The following SORCS2 variants were observed in gnomAD, a reference collection of about 807,000 sequenced individuals.
The protein encoded by SORCS2 is VPS10 domain-containing receptor SorCS2.
In SORCS2, 100 loss-of-function variants were observed where a neutral mutation model predicts 141.6. That is an observed-to-expected ratio of 0.71 (90% CI 0.60 to 0.83). The LOEUF (loss-of-function observed/expected upper bound fraction) is 0.83. Among genes scored for constraint, SORCS2 ranks in the 40% least tolerant of loss-of-function variants. SORCS2 has a pLI of 0.00. For missense variants in SORCS2, 1,646 were observed against 1,560.2 expected (o/e 1.05, Z -0.93); for synonymous variants, 789 against 676.9 (o/e 1.17, Z -2.57).
intron 1 of SORCS2, among the ~76,000 whole-genome samples, chr4:7,393,702 G>A (rs762582561): frequency 2.0e-5 from 3 of 152,122 alleles, no homozygotes; most frequent in African/African-American, 7.2e-5. Flanking sequence ...TAACTGTGGG[G>A]CTCGTCGGTG....
chr4:7,727,151 C>T (rs1181080252), intron 21 of SORCS2, among the ~76,000 whole-genome samples: 1 of 152,224 alleles, frequency 6.6e-6, no homozygotes, highest in Admixed American at 6.5e-5. Flanking sequence ...TCCCAAGACA[C>T]TCATGGGACA....
At chr4:7,454,197 G>A (rs1200382454) in intron 2 of SORCS2, among the ~76,000 whole-genome samples, 2 of 131,128 alleles carry the variant, frequency 1.5e-5, no homozygotes, top group African/African-American at 3.1e-5. Flanking sequence ...GGGGTCAGGT[G>A]CTGTGTGTTG....
At chr4:7,212,956 C>T (rs922811387) in intron 1 of SORCS2, among the ~76,000 whole-genome samples, 14 of 152,240 alleles carry the variant, frequency 9.2e-5, no homozygotes, top group Admixed American at 2.0e-4. Flanking sequence ...GGGAACAACC[C>T]GTGGCCATTG....
intron 1 of SORCS2, among the ~76,000 whole-genome samples, chr4:7,337,149 T>C (rs1275540721): frequency 6.6e-6 from 1 of 152,162 alleles, no homozygotes; most frequent in Non-Finnish European, 1.5e-5. Context: ...TAGTCTAGAA[T>C]TGCAGAAGGT....
In SORCS2 at chr4:7,696,673, G is replaced by A. The variant is rs556583853; in HGVS notation, c.1592-525G>A. Among the ~76,000 whole-genome samples the A allele has an allele frequency of 4.6e-5, 7 of 152,278 alleles. No individual in the cohort carries two copies. The South Asian group carries it at 1.5e-3, about 32-fold the overall frequency. On this transcript the variant is annotated intron_variant, in intron 11 of 26. Transcript: ENST00000507866. ...CACATTCTGCACCCCCAGTTGGTTTGGTGCCCACCTCACCTTCCTCCCAAA... is the reference window on the plus strand; with the variant it reads ...CACATTCTGCACCCCCAGTTGGTTTAGTGCCCACCTCACCTTCCTCCCAAA...
rs1037598823 is a variant in SORCS2, at chr4:7,663,322, GTGAGTGAT to G, written c.953-1023_953-1016del. ...AGTGACTGAGTGAATGAATGAGTGA[GTGAGTGAT>G]TGAGTGAGTGAGTGAGTGAGTCAGT... On this transcript the variant is annotated intron_variant, in intron 6 of 26. Coordinates refer to ENST00000507866, the MANE Select transcript of SORCS2 (RefSeq NM_020777.3). The surrounding 1 kb of genome is among the most constrained non-coding windows in gnomAD (Gnocchi z 4.8). 1.4e-4 allele frequency among the ~76,000 whole-genome samples: 22 copies of G among 152,004 alleles called. No homozygotes were observed. Among genetic ancestry groups the G allele is most frequent in the Non-Finnish European group, 2.2e-4 (15 of 67,982 alleles).
At chr4:7,413,031 G>A (rs1196516965) in intron 2 of SORCS2, among the ~76,000 whole-genome samples, 1 of 152,028 alleles carries the variant, frequency 6.6e-6, no homozygotes, top group African/African-American at 2.4e-5. Context: ...AGTGTTAACC[G>A]CCTCCCATTT....
At chr4:7,352,865 C>G (rs1349549620) in intron 1 of SORCS2, among the ~76,000 whole-genome samples, 2 of 152,194 alleles carry the variant, frequency 1.3e-5, no homozygotes, top group Non-Finnish European at 2.9e-5. Flanking sequence ...GCGTATAACT[C>G]TGACCCCCAT....
chr4:7,437,624 G>C (rs947621355), intron 2 of SORCS2, among the ~76,000 whole-genome samples: 1 of 152,188 alleles, frequency 6.6e-6, no homozygotes, highest in Non-Finnish European at 1.5e-5. Context: ...TGGTCAGAGG[G>C]GGTCATTATG....
intron 1 of SORCS2, among the ~76,000 whole-genome samples, chr4:7,383,061 G>A (rs550813528): frequency 2.6e-5 from 4 of 152,186 alleles, no homozygotes; most frequent in South Asian, 2.1e-4. Flanking sequence ...AGACTCCAGC[G>A]CTTCGATCCC....
At chr4:7,433,317 C>T (rs759095733) in intron 2 of SORCS2, 62 of 1,405,132 alleles carry the variant, frequency 4.4e-5, no homozygotes, top group Admixed American at 1.7e-4. Context: ...GCCACGGTCA[C>T]GCGTGTTCCC....
chr4:7,500,359 C>T (rs730407), intron 2 of SORCS2, among the ~76,000 whole-genome samples: 37,574 of 151,998 alleles, frequency 0.25, 5,716 homozygotes, highest in East Asian at 0.69. Context: ...TCCCTGGCAG[C>T]GCCAAACCCT....
chr4:7,655,654 G>A (rs903312366), intron 5 of SORCS2, among the ~76,000 whole-genome samples: 2 of 152,218 alleles, frequency 1.3e-5, no homozygotes, highest in African/African-American at 4.8e-5. Flanking sequence ...GGGAGGGCCC[G>A]GTTCCTCCCT....
At chr4:7,292,079 A>G (rs1199562626) in intron 1 of SORCS2, among the ~76,000 whole-genome samples, 1 of 152,244 alleles carries the variant, frequency 6.6e-6, no homozygotes, top group African/African-American at 2.4e-5. Context: ...GACCAGCCTC[A>G]CAGAAACTGA....
Position 7,723,797 on chromosome 4 carries a change from A to T in SORCS2, c.2525A>T (p.Tyr842Phe), listed in dbSNP as rs549297400. Residue 842 changes from tyrosine to phenylalanine, a missense_variant, in exon 19 of 27, where the codon TAC (tyrosine) becomes TTC (phenylalanine). By Grantham distance (22) the Tyr-to-Phe change is conservative. Coordinates refer to ENST00000507866, the MANE Select transcript of SORCS2 (RefSeq NM_020777.3). ...TLTGEPIRHR[Y>F]ESPGIYRVSV... is the part of the protein sequence containing the mutation. ...ACCGGGGAGCCCATCCGGCACCGCT[A>T]CGAGAGCCCCGGCATCTACCGCGTG... 6.2e-7 allele frequency: 1 copy of T among 1,613,874 alleles called. No individual in the cohort carries two copies. The highest frequency in any genetic ancestry group is 1.3e-5 in the African/African-American group (1 of 75,080).
At position 7,427,888 on chromosome 4, in the gene SORCS2, CA is replaced by C. The variant is rs750675526; in HGVS notation, c.548+31534del. Among the ~76,000 whole-genome samples the C allele has an allele frequency of 2.7e-4, 40 of 148,248 alleles. 1 individual carries two copies. In the East Asian group the frequency reaches 7.2e-3, roughly 27 times the overall value. ...CAGGCCCGACTGCAACGCTGGGAAT[CA>C]CATTTCAACACCAGCTTTGGAGGGG... On this transcript the variant is annotated intron_variant, in intron 2 of 26. Coordinates refer to ENST00000507866, the MANE Select transcript of SORCS2 (RefSeq NM_020777.3).
In SORCS2 at chr4:7,383,505, C is replaced by T. The variant is rs554015666; in HGVS notation, c.481-12783C>T. ...GAACATATGGTTGTCTGGCTGGGCACCAGCAGGGAGGGGGAGAGCATTGGA... is the reference window on the plus strand; with the variant it reads ...GAACATATGGTTGTCTGGCTGGGCATCAGCAGGGAGGGGGAGAGCATTGGA... On this transcript the variant is annotated intron_variant, in intron 1 of 26. Transcript: ENST00000507866. 2.6e-5 allele frequency among the ~76,000 whole-genome samples: 4 copies of T among 152,308 alleles called. No individual in the cohort carries two copies. In the South Asian group the frequency reaches 8.3e-4, roughly 32 times the overall value.
At chr4:7,647,822 C>T (rs186667604) in intron 4 of SORCS2, among the ~76,000 whole-genome samples, 20 of 152,366 alleles carry the variant, frequency 1.3e-4, no homozygotes, top group Middle Eastern at 6.8e-3. Context: ...CTGATCTGCT[C>T]ATCCTCAGGG....
At chr4:7,624,312 T>C (rs1240453673) in intron 3 of SORCS2, among the ~76,000 whole-genome samples, 4 of 152,176 alleles carry the variant, frequency 2.6e-5, no homozygotes, top group African/African-American at 7.2e-5. Context: ...GGAATACAAA[T>C]GGTCCCTAAA....
Sources: gnomAD v4.1 joint callset for allele counts (sites outside exome capture counted in the v4.1 genomes callset) on GRCh38, gnomAD v4.1.1 for gene constraint, Gnocchi (gnomAD v3.1) non-coding constraint, MANE v1.5 for transcripts, NCBI Gene and HGNC (gene_info 2026-07-23, HGNC 2026-07-21) for gene names.